DCDC1: variants seen among roughly 807,000 people sequenced by gnomAD.
DCDC1 encodes doublecortin domain-containing protein 1.
Under a neutral mutation model 178.3 loss-of-function variants are expected in DCDC1, and 200 were observed. That is an observed-to-expected ratio of 1.12 (90% CI 1.00 to 1.26). DCDC1 has a LOEUF of 1.26. DCDC1 is among the 50% of genes most tolerant of loss of function. The pLI, the probability that DCDC1 is intolerant of heterozygous loss-of-function variation, is 0.00. For missense variants in DCDC1, 1,983 were observed against 1,749.2 expected (o/e 1.13, Z -2.38); for synonymous variants, 690 against 604.8 (o/e 1.14, Z -2.07).
intron 20 of DCDC1, among the ~76,000 whole-genome samples, chr11:31,041,810 G>A (rs1038705455): frequency 2.6e-5 from 4 of 152,068 alleles, no homozygotes; most frequent in Admixed American, 2.6e-4. Context: ...TCATCTTACT[G>A]CCTCTAGATG....
intron 9 of DCDC1, among the ~76,000 whole-genome samples, chr11:31,227,376 A>C (rs531408426): frequency 1.1e-4 from 16 of 152,184 alleles, no homozygotes; most frequent in Admixed American, 3.3e-4. Context: ...TTAAACAACC[A>C]GGTCTCACGT....
intron 20 of DCDC1, among the ~76,000 whole-genome samples, chr11:30,980,312 G>A (rs1565149283): frequency 6.6e-6 from 1 of 152,182 alleles, no homozygotes; most frequent in Non-Finnish European, 1.5e-5. Flanking sequence ...AAACCAAAGG[G>A]AGTGCCCATC....
chr11:30,945,941 A>G (rs1301219092), intron 21 of DCDC1, among the ~76,000 whole-genome samples: 1 of 152,154 alleles, frequency 6.6e-6, no homozygotes, highest in Admixed American at 6.6e-5. Flanking sequence ...TATTTAAAAC[A>G]GCCTCTTTTT....
At chr11:30,892,164 C>T (rs552804410) in intron 36 of DCDC1, among the ~76,000 whole-genome samples, 1 of 152,128 alleles carries the variant, frequency 6.6e-6, no homozygotes, top group Non-Finnish European at 1.5e-5. Flanking sequence ...CTAAAGTCTT[C>T]ATTTAAAGAT....
chr11:31,070,544 C>G (rs1035291542), intron 18 of DCDC1, among the ~76,000 whole-genome samples: 1 of 152,164 alleles, frequency 6.6e-6, no homozygotes, highest in Admixed American at 6.6e-5. Flanking sequence ...TGGTTAACAA[C>G]CTACAGTCCT....
rs760889413 is a variant in DCDC1 at position 31,102,292 on chromosome 11, G to A, written c.1878-10C>T. 1.5e-6 allele frequency: 1 copy of A among 662,428 alleles called. No individual in the cohort carries two copies. Among genetic ancestry groups the A allele is most frequent in the South Asian group, 1.7e-5 (1 of 59,778 alleles). 41.0% of individuals were successfully genotyped at this position (662,428 alleles called of 1,614,324 possible). ...CTCACAAACTTCCCAACTAAGAAAA[G>A]TAAAATACGTAATTATTTTTATTAG... is the stretch of plus-strand genomic sequence containing the variant. On this transcript the variant is annotated splice_polypyrimidine_tract_variant and intron_variant, in intron 14 of 38. Coordinates refer to ENST00000684477, the MANE Select transcript of DCDC1 (RefSeq NM_001387274.1).
rs995961037 is a variant in DCDC1, at chr11:30,892,345, TAGAC to T, written c.5082+469_5082+472del. 7.2e-5 allele frequency among the ~76,000 whole-genome samples: 11 copies of T among 152,222 alleles called. No homozygotes were observed. In the East Asian group the frequency reaches 2.1e-3, roughly 29 times the overall value. On this transcript the variant is annotated intron_variant, in intron 36 of 38. Transcript: ENST00000684477. ...CTCTAATGAGTACCACTGTTTTTCTTAGACAGAACATATCTAGTAAATGATTCGT... is the reference window on the plus strand; with the variant it reads ...CTCTAATGAGTACCACTGTTTTTCTTAGAACATATCTAGTAAATGATTCGT...
intron 27 of DCDC1, among the ~76,000 whole-genome samples, chr11:30,914,493 T>C (rs113543183): frequency 0.024 from 3,675 of 152,290 alleles, 132 homozygotes; most frequent in African/African-American, 0.083. Flanking sequence ...ACATACACTT[T>C]GTACACTATT....
chr11:30,935,876 T>C (rs1203240565), intron 21 of DCDC1, among the ~76,000 whole-genome samples: 2 of 152,154 alleles, frequency 1.3e-5, no homozygotes, highest in African/African-American at 4.8e-5. Context: ...TACATTTTTC[T>C]CAGAGTTAAC....
At chr11:30,972,314 A>C (rs1949848751) in intron 20 of DCDC1, among the ~76,000 whole-genome samples, 1 of 152,220 alleles carries the variant, frequency 6.6e-6, no homozygotes, top group African/African-American at 2.4e-5. Flanking sequence ...AGAGAATGAG[A>C]TAATATATTC....
chr11:31,085,319 T>C (rs902113196), intron 17 of DCDC1, among the ~76,000 whole-genome samples: 3 of 152,016 alleles, frequency 2.0e-5, no homozygotes, highest in African/African-American at 4.8e-5. Flanking sequence ...AATGAACATA[T>C]CCACATCTGT....
intron 9 of DCDC1, among the ~76,000 whole-genome samples, chr11:31,220,583 A>T (rs1277347798): frequency 6.6e-6 from 1 of 152,200 alleles, no homozygotes; most frequent in African/African-American, 2.4e-5. Flanking sequence ...CAGATGCATT[A>T]TGTTATATTT....
Position 31,011,823 on chromosome 11 carries a change from T to C in DCDC1, c.2591+52646A>G, listed in dbSNP as rs562278284. On this transcript the variant is annotated intron_variant, in intron 20 of 38. Transcript: ENST00000684477. ...CAGTAAGTAAAACTAGTAATAAACA[T>C]ATAGTAAAATATTATGTGGTAACTA... 1.5e-4 allele frequency among the ~76,000 whole-genome samples: 23 copies of C among 152,336 alleles called. 1 individual carries two copies. In the South Asian group the frequency reaches 4.3e-3, roughly 29 times the overall value.
chr11:30,970,470 C>T (rs1388567883), intron 20 of DCDC1, among the ~76,000 whole-genome samples: 1 of 152,164 alleles, frequency 6.6e-6, no homozygotes, highest in East Asian at 1.9e-4. Context: ...AGTTGTGACC[C>T]CACTGCTCCC....
chr11:30,892,815 T>A lies in DCDC1; in HGVS notation c.5082+3A>T. ...TGAAACACTCCTTTCACACTAGATTTACCTCTGAAATAGTTTTGCCCCAGG... is the reference window on the plus strand; with the variant it reads ...TGAAACACTCCTTTCACACTAGATTAACCTCTGAAATAGTTTTGCCCCAGG... On this transcript the variant is annotated splice_donor_region_variant and intron_variant, in intron 36 of 38. Transcript: ENST00000684477. The A allele has an allele frequency of 2.5e-6, 4 of 1,613,930 alleles. 1 individual carries two copies. The highest frequency in any genetic ancestry group is 3.3e-4 in the Middle Eastern group (2 of 6,062).
At chr11:31,215,585 G>A (rs1047747549) in intron 9 of DCDC1, among the ~76,000 whole-genome samples, 1 of 151,740 alleles carries the variant, frequency 6.6e-6, no homozygotes, top group Admixed American at 6.6e-5. Context: ...ATGAGGTCAG[G>A]AGATTGAGAC....
intron 8 of DCDC1, chr11:31,263,056 C>T (rs966357245): frequency 1.2e-6 from 2 of 1,613,082 alleles, no homozygotes; most frequent in Admixed American, 3.3e-5. Context: ...AGTATCACGT[C>T]TCAGAGTCAG....
At chr11:31,305,515 TA>T in intron 6 of DCDC1, 99 bp downstream of exon 6, 3 of 1,461,658 alleles carry the variant, frequency 2.1e-6, no homozygotes, top group African/African-American at 2.8e-5. Context: ...TTAGTTTTGT[TA>T]AACCATGCAA....
At chr11:30,973,020 C>T (rs1949897533) in intron 20 of DCDC1, among the ~76,000 whole-genome samples, 1 of 152,014 alleles carries the variant, frequency 6.6e-6, no homozygotes, top group Non-Finnish European at 1.5e-5. Flanking sequence ...GACCGTAATC[C>T]CAGCACTTTT....
Sources: gnomAD v4.1 joint callset for allele counts (sites outside exome capture counted in the v4.1 genomes callset) on GRCh38, gnomAD v4.1.1 for gene constraint, MANE v1.5 for transcripts, NCBI Gene and HGNC (gene_info 2026-07-23, HGNC 2026-07-21) for gene names.